The following BRINP2 variants were observed in gnomAD, a reference collection of about 807,000 sequenced individuals.
BRINP2 encodes BMP/retinoic acid-inducible neural-specific protein 2.
In BRINP2, 21 loss-of-function variants were observed where a neutral mutation model predicts 69.2. That is an observed-to-expected ratio of 0.30 (90% CI 0.22 to 0.44). The LOEUF (loss-of-function observed/expected upper bound fraction) is 0.44, where lower values mean the gene tolerates loss of function less well. Ranked by LOEUF, BRINP2 falls within the 20% of genes least tolerant of loss-of-function variation. The pLI, the probability that BRINP2 is intolerant of heterozygous loss-of-function variation, is 1.00. For missense variants in BRINP2, 877 were observed against 986.0 expected, an observed-to-expected ratio of 0.89 and a Z score of 1.48; for synonymous variants, 380 against 394.1, an observed-to-expected ratio of 0.96 and a Z score of 0.42.
chr1:177,225,206 T>C (rs1000194522), intron 1 of BRINP2, among the ~76,000 whole-genome samples: 2 of 152,210 alleles, frequency 1.3e-5, no homozygotes, highest in Admixed American at 1.3e-4. Flanking sequence ...CATCTATATA[T>C]GATTTTTTCC....
chr1:177,232,279 C>T (rs765060391), intron 2 of BRINP2, among the ~76,000 whole-genome samples: 12 of 152,168 alleles, frequency 7.9e-5, no homozygotes, highest in Non-Finnish European at 1.3e-4. Context: ...AGCACCTGGG[C>T]GGCAGCTCCA....
intron 2 of BRINP2, among the ~76,000 whole-genome samples, chr1:177,249,809 G>A (rs1650524854): frequency 6.6e-6 from 1 of 152,128 alleles, no homozygotes; most frequent in African/African-American, 2.4e-5. Context: ...TGCAGATGCT[G>A]GAAAGAACCA....
At chr1:177,256,394 C>G (rs930088218) in intron 3 of BRINP2, 1 of 985,300 alleles carries the variant, frequency 1.0e-6, no homozygotes, top group Admixed American at 6.1e-5. Flanking sequence ...GTTTTCGCTC[C>G]GCTGAGTCAC....
At chr1:177,249,533 A>G (rs996884679) in intron 2 of BRINP2, among the ~76,000 whole-genome samples, 1 of 152,250 alleles carries the variant, frequency 6.6e-6, no homozygotes, top group African/African-American at 2.4e-5. Flanking sequence ...TTACTGTGTA[A>G]CAAACACAGT....
chr1:177,181,510 C>T (rs1249142013), intron 1 of BRINP2, among the ~76,000 whole-genome samples: 2 of 152,200 alleles, frequency 1.3e-5, no homozygotes, highest in Non-Finnish European at 2.9e-5. Context: ...AGGCTGTAGT[C>T]TGGCAGGCCG....
At chr1:177,222,069 CAG>C (rs1649554770) in intron 1 of BRINP2, among the ~76,000 whole-genome samples, 2 of 152,226 alleles carry the variant, frequency 1.3e-5, no homozygotes, top group South Asian at 4.1e-4. Flanking sequence ...TGAGGTTATT[CAG>C]AGTGACCTGG....
chr1:177,203,482 G>A (rs1319473129), intron 1 of BRINP2, among the ~76,000 whole-genome samples: 1 of 150,324 alleles, frequency 6.7e-6, no homozygotes, highest in Non-Finnish European at 1.5e-5. Flanking sequence ...GTATAATAAC[G>A]ATAAAAAAAT....
At chr1:177,202,187 G>A (rs1465269995) in intron 1 of BRINP2, among the ~76,000 whole-genome samples, 12 of 152,008 alleles carry the variant, frequency 7.9e-5, no homozygotes, top group African/African-American at 2.9e-4. Context: ...AGGGTTTTTT[G>A]TGTCTCTATT....
chr1:177,246,756 A>G (rs774196653), intron 2 of BRINP2, among the ~76,000 whole-genome samples: 20 of 152,222 alleles, frequency 1.3e-4, no homozygotes, highest in Admixed American at 3.3e-4. Context: ...GGAAAGCACT[A>G]CGCCAATATA....
At chr1:177,200,293 C>CAGAAAAAAAAAAAA (rs1648868001) in intron 1 of BRINP2, among the ~76,000 whole-genome samples, 1 of 34,794 alleles carries the variant, frequency 2.9e-5, no homozygotes. Flanking sequence ...AACTCTGTCT[C>CAGAAAAAAAAAAAA]AAAAAAAAAA....
chr1:177,175,225 T>C (rs988278249), intron 1 of BRINP2, among the ~76,000 whole-genome samples: 3 of 151,644 alleles, frequency 2.0e-5, no homozygotes, highest in African/African-American at 7.3e-5. Flanking sequence ...TCTCCCCTTC[T>C]CTCTCCCTTT....
intron 2 of BRINP2, among the ~76,000 whole-genome samples, chr1:177,248,806 G>A (rs11577869): frequency 0.34 from 51,594 of 152,030 alleles, 9,682 homozygotes; most frequent in South Asian, 0.54. Flanking sequence ...AGCTTGAGTC[G>A]GAGGCAGCAC....
intron 1 of BRINP2, among the ~76,000 whole-genome samples, chr1:177,197,109 G>T (rs1381709897): frequency 6.6e-6 from 1 of 152,072 alleles, no homozygotes; most frequent in South Asian, 2.1e-4. Flanking sequence ...AATTTATAAA[G>T]AAAAGAAGTT....
At chr1:177,241,765 T>C (rs1216977727) in intron 2 of BRINP2, among the ~76,000 whole-genome samples, 1 of 152,206 alleles carries the variant, frequency 6.6e-6, no homozygotes, top group Admixed American at 6.5e-5. Flanking sequence ...CCCAGACTTC[T>C]TTGACTTCTT....
chr1:177,192,102 A>G lies in BRINP2; in HGVS notation c.-77+20370A>G, dbSNP rs547835593. ...GGAAACATCTTTAAGTGTGGGATTC[A>G]TGTTCACAGTGGAGCGATTATTCCA... On this transcript the variant is annotated intron_variant, in intron 1 of 7. Coordinates refer to ENST00000361539, the MANE Select transcript of BRINP2 (RefSeq NM_021165.4). Among the ~76,000 whole-genome samples, 13 of 152,332 alleles carry G rather than the reference A, an allele frequency of 8.5e-5. No individual in the cohort carries two copies. In the South Asian group the frequency reaches 2.7e-3, roughly 32 times the overall value.
chr1:177,187,407 A>G (rs2102293923), intron 1 of BRINP2, among the ~76,000 whole-genome samples: 1 of 152,324 alleles, frequency 6.6e-6, no homozygotes, highest in Admixed American at 6.5e-5. Flanking sequence ...CCTTTTGGCA[A>G]TGATGAAGAA....
intron 1 of BRINP2, among the ~76,000 whole-genome samples, chr1:177,190,737 G>A (rs1014742346): frequency 1.3e-5 from 2 of 152,174 alleles, no homozygotes; most frequent in Non-Finnish European, 2.9e-5. Flanking sequence ...AGTTGGGTAT[G>A]GTTAAGACAA....
intron 1 of BRINP2, among the ~76,000 whole-genome samples, chr1:177,212,713 A>C (rs1326776736): frequency 6.6e-6 from 1 of 152,208 alleles, no homozygotes; most frequent in Non-Finnish European, 1.5e-5. Flanking sequence ...TGTTACAATC[A>C]GAGCTTTTTC....
chr1:177,225,559 T>C (rs1427259001), intron 1 of BRINP2, among the ~76,000 whole-genome samples: 1 of 152,198 alleles, frequency 6.6e-6, no homozygotes, highest in East Asian at 1.9e-4. Flanking sequence ...TTGCTGCTTA[T>C]TAGCAGTTCC....
Sources: allele counts gnomAD v4.1 joint callset (sites outside exome capture counted in the v4.1 genomes callset), GRCh38; gene constraint gnomAD v4.1.1; transcripts MANE v1.5; gene names NCBI Gene and HGNC (gene_info 2026-07-23, HGNC 2026-07-21).